Variants in NMUR1 observed in about 807,000 individuals in gnomAD.
NMUR1 encodes the protein neuromedin U receptor 1.
In NMUR1, 16 loss-of-function variants were observed where a neutral mutation model predicts 18.8. The observed-to-expected ratio is 0.85, with a 90% CI of 0.58 to 1.29. The LOEUF (loss-of-function observed/expected upper bound fraction) is 1.29, where lower values mean the gene tolerates loss of function less well. NMUR1 is among the 50% of genes most tolerant of loss of function. The pLI is 0.00. For missense variants in NMUR1, 529 were observed against 580.3 expected (o/e 0.91, Z 0.91); for synonymous variants, 258 against 258.2 (o/e 1.00, Z 0.01).
In NMUR1 at chr2:231,528,643, G is replaced by A. The variant is rs368099234; in HGVS notation, c.378C>T (p.Pro126=). Residue 126 remains proline (P), a synonymous_variant, in exon 2 of 3, where the codon CCC becomes CCT. Coordinates refer to ENST00000305141, the MANE Select transcript of NMUR1 (RefSeq NM_006056.5). ...AGCAGCCACCAACGCCCAGCAGGAA[G>A]GGGTAGTTGTGCCACATCTCATAGA... ...LELYEMWHNY[P]FLLGVGGCYF... is the part of the protein sequence containing the mutation. 3 of 1,614,130 alleles carry A rather than the reference G, an allele frequency of 1.9e-6. No homozygotes were observed. The highest frequency in any genetic ancestry group is 2.5e-6 in the Non-Finnish European group (3 of 1,180,060).
In NMUR1 at chr2:231,525,095, G is replaced by A; in HGVS notation, c.1229C>T (p.Pro410Leu). The A allele has an allele frequency of 6.2e-7, 1 of 1,610,288 alleles. No homozygotes were observed. Among genetic ancestry groups the A allele is most frequent in the East Asian group, 2.2e-5 (1 of 44,860 alleles). Residue 410 changes from proline (P) to leucine (L), a missense_variant, in exon 3 of 3, where the codon CCC (proline) becomes CTC (leucine). Physicochemically the swap from Pro to Leu is moderately conservative, Grantham distance 98. Coordinates refer to ENST00000305141, the MANE Select transcript of NMUR1 (RefSeq NM_006056.5). ...DVGSLGSWVH[P>L]LAGNDGPEAQ... ...CTCTGGGCCATCGTTCCCAGCCAGG[G>A]GGTGGACCCAGCTGCCCAGGGAGCC... is the stretch of plus-strand genomic sequence containing the variant.
chr2:231,520,352 C>T (rs948276241), downstream of NMUR1, among the ~76,000 whole-genome samples: 1 of 152,240 alleles, frequency 6.6e-6, no homozygotes, highest in Non-Finnish European at 1.5e-5. Flanking sequence ...CCCCTGGACA[C>T]GCCTGCCCCT....
chr2:231,521,811 T>C (rs958726208), downstream of NMUR1, among the ~76,000 whole-genome samples: 1 of 152,034 alleles, frequency 6.6e-6, no homozygotes, highest in Admixed American at 6.6e-5. Context: ...TTTTGCCAGG[T>C]CTTGCTTCTG....
At position 231,528,750 on chromosome 2, in the gene NMUR1, T is replaced by C. The variant is rs2047385731; in HGVS notation, c.271A>G (p.Met91Val). ...AGGTAGTAGTTGGTAGGCGTGCGCA[T>C]GGCCTTGTGGCGCAGGATGACCAGA... ...TCLVILRHKA[M>V]RTPTNYYLFS... The change falls in exon 2 of 3, where the codon ATG (methionine) becomes GTG (valine). Residue 91 changes from methionine to valine, a missense_variant. By Grantham distance (21) the Met-to-Val change is conservative. Transcript: ENST00000305141. 2 of 1,614,106 alleles carry C rather than the reference T, an allele frequency of 1.2e-6. No individual in the cohort carries two copies. Among genetic ancestry groups the C allele is most frequent in the Admixed American group, 1.7e-5 (1 of 60,006 alleles).
chr2:231,524,876 CCCT>C lies in NMUR1; in HGVS notation c.*164_*166del, dbSNP rs58655546. 0.29 allele frequency: 244,942 copies of C among 831,334 alleles called. 39,240 individuals carry two copies. Among genetic ancestry groups the C allele is most frequent in the East Asian group, 0.5 (18,278 of 36,368 alleles). 51.5% of individuals were successfully genotyped at this position (831,334 alleles called of 1,614,324 possible). On this transcript the variant is annotated 3_prime_UTR_variant, in exon 3 of 3. Coordinates refer to ENST00000305141, the MANE Select transcript of NMUR1 (RefSeq NM_006056.5). ...GTGTGAGTCCTCAGCAGTCAGGGAT[CCCT>C]CCTCCTGCTGTTTCCCTCTGAGGGA...
At chr2:231,527,935 G>T (rs1246518367) in intron 2 of NMUR1, among the ~76,000 whole-genome samples, 188 bp downstream of exon 2, 2 of 151,716 alleles carry the variant, frequency 1.3e-5, no homozygotes, top group Non-Finnish European at 2.9e-5. Flanking sequence ...TAAGATTCTA[G>T]TAGGGTAATC....
Position 231,528,268 on chromosome 2 carries a change from G to A in NMUR1, c.753C>T (p.Tyr251=). ...GCCGCAGTCGCAGCCCAATGAGCAGGTAGAGCACGCTCATGATGGCCATGG... is the reference window on the plus strand; with the variant it reads ...GCCGCAGTCGCAGCCCAATGAGCAGATAGAGCACGCTCATGATGGCCATGG... ...CLPMAIMSVL[Y]LLIGLRLRRE... The change falls in exon 2 of 3, where the codon TAC becomes TAT. Residue 251 remains tyrosine (Y), a synonymous_variant. Coordinates refer to ENST00000305141, the MANE Select transcript of NMUR1 (RefSeq NM_006056.5). 2 of 1,614,042 alleles carry A rather than the reference G, an allele frequency of 1.2e-6. No homozygotes were observed. Among genetic ancestry groups the A allele is most frequent in the Non-Finnish European group, 8.5e-7 (1 of 1,179,956 alleles).
At position 231,528,867 on chromosome 2, in the gene NMUR1, G is replaced by A; in HGVS notation, c.154C>T (p.Leu52=). ...LTDEALRLKY[L]GPQQTELFMP... ...AACAGCTCTGTCTGCTGGGGCCCCA[G>A]GTACTTGAGTCTCAGTGCCTCGTCA... is the stretch of plus-strand genomic sequence containing the variant. The change falls in exon 2 of 3, where the codon CTG becomes TTG. Residue 52 remains leucine, a synonymous_variant. Coordinates refer to ENST00000305141, the MANE Select transcript of NMUR1 (RefSeq NM_006056.5). The A allele has an allele frequency of 1.2e-6, 2 of 1,614,218 alleles. No homozygotes were observed. Among genetic ancestry groups the A allele is most frequent in the Non-Finnish European group, 1.7e-6 (2 of 1,180,042 alleles).
At position 231,523,394 on chromosome 2, in the gene NMUR1, A is replaced by G; in HGVS notation, c.*1649T>C. 1 of 338,552 alleles carries G rather than the reference A, an allele frequency of 3.0e-6. No homozygotes were observed. The highest frequency in any genetic ancestry group is 5.4e-6 in the Non-Finnish European group (1 of 185,398). 21.0% of individuals were successfully genotyped at this position (338,552 alleles called of 1,614,324 possible). A position where few individuals can be genotyped will look rare whatever the true frequency, so the allele number is the denominator to read the frequency against. ...TTTGCAAAACTGAAACTCTTCACCC[A>G]TTAAAGAACTCCTCACTTGCCCTTC... is the stretch of plus-strand genomic sequence containing the variant. On this transcript the variant is annotated 3_prime_UTR_variant, in exon 3 of 3. Coordinates refer to ENST00000305141, the MANE Select transcript of NMUR1 (RefSeq NM_006056.5).
rs763080675 is a variant in NMUR1, at chr2:231,525,189, G to A, written c.1135C>T (p.Arg379Cys). Residue 379 changes from arginine (R) to cysteine (C), a missense_variant, in exon 3 of 3, where the codon CGC (arginine) becomes TGC (cysteine). Arg to Cys is a radical substitution (Grantham distance 180). Coordinates refer to ENST00000305141, the MANE Select transcript of NMUR1 (RefSeq NM_006056.5). ...EALCLGACCH[R>C]LRPRHSSHSL... ...TGGGAGCTGTGGCGGGGTCTGAGGCGATGGCAGCAGGCCCCGAGGCACAGG... is the reference window on the plus strand; with the variant it reads ...TGGGAGCTGTGGCGGGGTCTGAGGCAATGGCAGCAGGCCCCGAGGCACAGG... 8.7e-6 allele frequency: 14 copies of A among 1,614,022 alleles called. No individual in the cohort carries two copies. The highest frequency in any genetic ancestry group is 6.7e-5 in the East Asian group (3 of 44,894).
intron 1 of NMUR1, 30 bp downstream of exon 1, chr2:231,530,329 C>G: frequency 6.7e-7 from 1 of 1,497,454 alleles, no homozygotes; most frequent in Non-Finnish European, 8.8e-7. Context: ...GCTGCCGCGC[C>G]CTAGCCCACG....
downstream of NMUR1, among the ~76,000 whole-genome samples, chr2:231,521,023 G>A (rs1173831758): frequency 6.6e-6 from 1 of 152,210 alleles, no homozygotes; most frequent in Non-Finnish European, 1.5e-5. Flanking sequence ...GTGAAGCTCA[G>A]AGGAGGCTGA....
Position 231,528,864 on chromosome 2 carries a change from C to G in NMUR1, c.157G>C (p.Gly53Arg), listed in dbSNP as rs1370934214. 6.2e-7 allele frequency: 1 copy of G among 1,614,202 alleles called. No individual in the cohort carries two copies. Among genetic ancestry groups the G allele is most frequent in the South Asian group, 1.1e-5 (1 of 91,070 alleles). Residue 53 changes from glycine (G) to arginine (R), a missense_variant, in exon 2 of 3, where the codon GGG becomes CGG. Coordinates refer to ENST00000305141, the MANE Select transcript of NMUR1 (RefSeq NM_006056.5). ...ATGAACAGCTCTGTCTGCTGGGGCCCCAGGTACTTGAGTCTCAGTGCCTCG... is the reference window on the plus strand; with the variant it reads ...ATGAACAGCTCTGTCTGCTGGGGCCGCAGGTACTTGAGTCTCAGTGCCTCG... Reference protein sequence around the residue: ...TDEALRLKYLGPQQTELFMPI... With the variant: ...TDEALRLKYLRPQQTELFMPI...
In NMUR1 at chr2:231,524,107, C is replaced by A. The variant is rs1445178640; in HGVS notation, c.*936G>T. Reference sequence around the variant, plus strand: ...TTGATAAAGATGCAGATAATAACTTCCGCCCTTTCAGTCTGAGGGTATTGT... The same window carrying A: ...TTGATAAAGATGCAGATAATAACTTACGCCCTTTCAGTCTGAGGGTATTGT... On this transcript the variant is annotated 3_prime_UTR_variant, in exon 3 of 3. Transcript: ENST00000305141. The A allele has an allele frequency of 2.6e-5, 4 of 152,228 alleles. No homozygotes were observed. Among genetic ancestry groups the A allele is most frequent in the African/African-American group, 9.7e-5 (4 of 41,430 alleles). The allele number at this position is 152,228 out of a possible 1,614,324, so 9.4% of individuals were successfully genotyped here.
intron 1 of NMUR1, 66 bp from the exon 2 acceptor site, chr2:231,529,083 A>G: frequency 6.9e-7 from 1 of 1,458,196 alleles, no homozygotes. Flanking sequence ...GTCCTCACTC[A>G]TCAAGCCAAA....
Position 231,528,636 on chromosome 2 carries a change from G to A in NMUR1, c.385C>T (p.Leu129=), listed in dbSNP as rs769873369. Residue 129 remains leucine, a synonymous_variant, in exon 2 of 3, where the codon CTG becomes TTG. Transcript: ENST00000305141. ...YEMWHNYPFL[L]GVGGCYFRTL... is the part of the protein sequence containing the mutation. ...CGGAAATAGCAGCCACCAACGCCCAGCAGGAAGGGGTAGTTGTGCCACATC... is the reference window on the plus strand; with the variant it reads ...CGGAAATAGCAGCCACCAACGCCCAACAGGAAGGGGTAGTTGTGCCACATC... 6.2e-7 allele frequency: 1 copy of A among 1,614,234 alleles called. No individual in the cohort carries two copies. Among genetic ancestry groups the A allele is most frequent in the Admixed American group, 1.7e-5 (1 of 60,032 alleles).
intron 2 of NMUR1, among the ~76,000 whole-genome samples, chr2:231,527,672 A>C (rs1258934930): frequency 1.3e-5 from 2 of 148,510 alleles, no homozygotes; most frequent in Non-Finnish European, 3.0e-5. Flanking sequence ...AAGAGGAGAG[A>C]CCTGAGACCT....
chr2:231,525,109 G>T lies in NMUR1; in HGVS notation c.1215C>A (p.Gly405=). 1 of 1,612,670 alleles carries T rather than the reference G, an allele frequency of 6.2e-7. No individual in the cohort carries two copies. The highest frequency in any genetic ancestry group is 8.5e-7 in the Non-Finnish European group (1 of 1,179,222). The part of the protein sequence containing the change: ...GSTLCDVGSL[G]SWVHPLAGND... ...TCCCAGCCAGGGGGTGGACCCAGCT[G>T]CCCAGGGAGCCCACATCACACAGGG... The change falls in exon 3 of 3, where the codon GGC becomes GGA. Residue 405 remains glycine (G), a synonymous_variant. Coordinates refer to ENST00000305141, the MANE Select transcript of NMUR1 (RefSeq NM_006056.5).
rs2047383704 is a variant in NMUR1, at chr2:231,528,664, A to T, written c.357T>A (p.Tyr119Ter). ...VLLVGLPLEL[Y>*]EMWHNYPFLL... ...GGAAGGGGTAGTTGTGCCACATCTC[A>T]TAGAGCTCCAGGGGCAGGCCCACCA... Residue 119 changes from tyrosine to a stop codon, truncating the protein, a stop_gained, in exon 2 of 3, where the codon TAT becomes TAA. Coordinates refer to ENST00000305141, the MANE Select transcript of NMUR1 (RefSeq NM_006056.5). LOFTEE classifies it high-confidence loss of function. 7.4e-6 allele frequency: 12 copies of T among 1,613,410 alleles called. No individual in the cohort carries two copies. The East Asian group carries it at 2.5e-4, about 33-fold the overall frequency.
Sources: gnomAD v4.1 joint callset for allele counts (sites outside exome capture counted in the v4.1 genomes callset) on GRCh38, gnomAD v4.1.1 for gene constraint, MANE v1.5 for transcripts, NCBI Gene and HGNC (gene_info 2026-07-23, HGNC 2026-07-21) for gene names.